The following SUCO variants were observed in gnomAD, a reference collection of about 807,000 sequenced individuals.
SUCO encodes SUN domain containing ossification factor.
Under a neutral mutation model 148.1 loss-of-function variants are expected in SUCO, and 57 were observed. The observed-to-expected ratio is 0.38, with a 90% confidence interval of 0.31 to 0.48. The LOEUF is 0.48. Ranked by LOEUF, SUCO falls within the 20% of genes least tolerant of loss-of-function variation. The pLI, the probability that SUCO is intolerant of heterozygous loss-of-function variation, is 0.96. For synonymous variants in SUCO, 470 were observed against 502.7 expected (o/e 0.93, Z 0.87); for missense variants, 1,331 against 1,468.2 (o/e 0.91, Z 1.53).
chr1:172,603,331 T>A (rs1458430080), intron 22 of SUCO: 1 of 152,096 alleles, frequency 6.6e-6, no homozygotes, highest in African/African-American at 2.4e-5. Flanking sequence ...TATCTTGTAA[T>A]TAATGCATAT....
At chr1:172,565,931 G>A (rs1222471216) in intron 6 of SUCO, among the ~76,000 whole-genome samples, 1 of 152,134 alleles carries the variant, frequency 6.6e-6, no homozygotes, top group Non-Finnish European at 1.5e-5. Flanking sequence ...GGGTGGTAGA[G>A]GGGACACACC....
chr1:172,553,141 T>C, intron 2 of SUCO, 119 bp from the exon 3 acceptor site: 1 of 1,089,908 alleles, frequency 9.2e-7, no homozygotes, highest in South Asian at 2.4e-5. Context: ...TTAATTAGAG[T>C]CAAATAAACA....
intron 6 of SUCO, among the ~76,000 whole-genome samples, chr1:172,558,824 G>A (rs1035365045): frequency 1.3e-5 from 2 of 152,208 alleles, no homozygotes; most frequent in Admixed American, 1.3e-4. Flanking sequence ...AATGTCAAAT[G>A]TAAAATTCAA....
Position 172,575,557 on chromosome 1 carries a change from T to A in SUCO, c.1197T>A (p.His399Gln). Residue 399 changes from histidine (H) to glutamine (Q), a missense_variant, in exon 11 of 24, where the codon CAT becomes CAA. Coordinates refer to ENST00000263688, the MANE Select transcript of SUCO (RefSeq NM_014283.5). Reference protein sequence around the residue: ...TNKWIKLGTFHGRDERNVQSF... With the variant: ...TNKWIKLGTFQGRDERNVQSF... ...AGTGGATTAAGCTGGGTACTTTTCA[T>A]GGTAGAGATGAGCGGAATGTACAGA... 2 of 1,612,292 alleles carry A rather than the reference T, an allele frequency of 1.2e-6. No homozygotes were observed. The highest frequency in any genetic ancestry group is 1.7e-6 in the Non-Finnish European group (2 of 1,178,768).
intron 7 of SUCO, 157 bp from the exon 8 acceptor site, chr1:172,569,890 A>AT (rs1558189161): frequency 1.4e-5 from 7 of 487,410 alleles, no homozygotes; most frequent in East Asian, 1.5e-4. Flanking sequence ...GAGCACTTTG[A>AT]TTTTTTTATG....
In SUCO at chr1:172,589,054, T is replaced by C; in HGVS notation, c.1953T>C (p.Ala651=). The change falls in exon 18 of 24, where the codon GCT becomes GCC. Residue 651 remains alanine (A), a synonymous_variant. Transcript: ENST00000263688. ...TTTATCGGCAGCGCAGCCGAACTGC[T>C]TTGAGTAAAGGAAAAGATTATCTTG... ...VALYRQRSRT[A]LSKGKDYLVL... is the part of the protein sequence containing the mutation. The C allele has an allele frequency of 6.2e-7, 1 of 1,613,756 alleles. No homozygotes were observed. Among genetic ancestry groups the C allele is most frequent in the Non-Finnish European group, 8.5e-7 (1 of 1,179,856 alleles).
intron 11 of SUCO, chr1:172,576,906 A>G (rs1655486097): frequency 1.3e-6 from 1 of 778,102 alleles, no homozygotes; most frequent in Admixed American, 6.3e-5. Context: ...GATGTTCCTT[A>G]TCTTAAAATA....
rs1034566635 is a variant in SUCO at position 172,588,556 on chromosome 1, T to C, written c.1659-204T>C. On this transcript the variant is annotated intron_variant, in intron 17 of 23. Transcript: ENST00000263688. The stretch of plus-strand genomic sequence containing the variant: ...TTGAGTCATCTGGCTAGTCACTTGA[T>C]AAATAGTATTTCTCTTATCATTTCT... 5 of 985,196 alleles carry C rather than the reference T, an allele frequency of 5.1e-6. No homozygotes were observed. The South Asian group carries it at 1.4e-4, about 28-fold the overall frequency. 61.0% of individuals were successfully genotyped at this position (985,196 alleles called of 1,614,324 possible). A position where few individuals can be genotyped will look rare whatever the true frequency, so the allele number is the denominator to read the frequency against.
At chr1:172,583,862 T>TA (rs1553275892) in intron 15 of SUCO, among the ~76,000 whole-genome samples, 1 of 152,190 alleles carries the variant, frequency 6.6e-6, no homozygotes, top group Non-Finnish European at 1.5e-5. Flanking sequence ...TACCATTTTT[T>TA]ATGGAGTTCT....
At chr1:172,565,581 A>G (rs961742341) in intron 6 of SUCO, among the ~76,000 whole-genome samples, 1 of 152,132 alleles carries the variant, frequency 6.6e-6, no homozygotes, top group Admixed American at 6.5e-5. Flanking sequence ...CAAAAACCCT[A>G]GTGCACCCCG....
At chr1:172,554,633 A>T (rs1653588097) in intron 3 of SUCO, among the ~76,000 whole-genome samples, 1 of 151,682 alleles carries the variant, frequency 6.6e-6, no homozygotes, top group African/African-American at 2.4e-5. Flanking sequence ...GCTACTCAGG[A>T]GGCTGAGGCA....
chr1:172,553,150 C>T, intron 2 of SUCO, 110 bp from the exon 3 acceptor site: 4 of 1,184,938 alleles, frequency 3.4e-6, no homozygotes, highest in Non-Finnish European at 4.5e-6. Flanking sequence ...GTCAAATAAA[C>T]AAGGCAGTTT....
chr1:172,596,146 T>G (rs545340764), intron 19 of SUCO, among the ~76,000 whole-genome samples: 1 of 152,324 alleles, frequency 6.6e-6, no homozygotes, highest in Admixed American at 6.5e-5. Context: ...ATTAAGGTAT[T>G]CTCTATGCTG....
At chr1:172,569,278 G>T in intron 7 of SUCO, 136 bp downstream of exon 7, 7 of 1,050,002 alleles carry the variant, frequency 6.7e-6, no homozygotes, top group Non-Finnish European at 8.8e-6. Flanking sequence ...TAACCAAGTT[G>T]CTGTTGATCC....
chr1:172,562,303 A>G (rs1470021178), intron 6 of SUCO, among the ~76,000 whole-genome samples: 1 of 151,670 alleles, frequency 6.6e-6, no homozygotes, highest in African/African-American at 2.4e-5. Flanking sequence ...GCAAATTAAC[A>G]TTTTAAGAAA....
In SUCO at chr1:172,533,415, A is replaced by G. The variant is rs1296181887; in HGVS notation, c.-21A>G. 6.4e-7 allele frequency: 1 copy of G among 1,554,730 alleles called. No individual in the cohort carries two copies. Among genetic ancestry groups the G allele is most frequent in the African/African-American group, 1.4e-5 (1 of 73,356 alleles). On this transcript the variant is annotated 5_prime_UTR_variant, in exon 1 of 24. Coordinates refer to ENST00000263688, the MANE Select transcript of SUCO (RefSeq NM_014283.5). ...CCGGGAGGATGTGCCGCCTTCTGGC[A>G]GGGGGAAGAAGGAGGAGAAGATGAA...
upstream of SUCO, chr1:172,532,629 A>G (rs763590229): frequency 3.2e-5 from 51 of 1,613,948 alleles, no homozygotes; most frequent in Middle Eastern, 8.2e-4. Flanking sequence ...AGAGGAAAAC[A>G]GTGCAACAGT....
At position 172,609,430 on chromosome 1, in the gene SUCO, A is replaced by G. The variant is rs76416199; in HGVS notation, c.3322-386A>G. On this transcript the variant is annotated intron_variant, in intron 23 of 23. Transcript: ENST00000263688. ...TACATTGTAACTTGGGCAAAGAACCAAACATCTGAACCTTGCTTTTCTCAT... is the reference window on the plus strand; with the variant it reads ...TACATTGTAACTTGGGCAAAGAACCGAACATCTGAACCTTGCTTTTCTCAT... 1,362 of 917,580 alleles carry G rather than the reference A, an allele frequency of 1.5e-3. 23 individuals carry two copies. The African/African-American group carries it at 0.023, about 15-fold the overall frequency. 56.8% of individuals were successfully genotyped at this position (917,580 alleles called of 1,614,324 possible). A position where few individuals can be genotyped will look rare whatever the true frequency, so the allele number is the denominator to read the frequency against.
intron 6 of SUCO, among the ~76,000 whole-genome samples, chr1:172,560,635 T>C (rs969677634): frequency 6.6e-6 from 1 of 152,206 alleles, no homozygotes; most frequent in Non-Finnish European, 1.5e-5. Flanking sequence ...ATTAATCCTA[T>C]TGCTCATTTA....
Sources: gnomAD v4.1 joint callset for allele counts (sites outside exome capture counted in the v4.1 genomes callset) on GRCh38, gnomAD v4.1.1 for gene constraint, MANE v1.5 for transcripts, NCBI Gene and HGNC (gene_info 2026-07-23, HGNC 2026-07-21) for gene names.